The following TACC2 variants were observed in gnomAD, a reference collection of about 807,000 sequenced individuals.
TACC2 encodes the protein transforming acidic coiled-coil-containing protein 2.
A neutral mutation model predicts 227.3 loss-of-function variants in TACC2; 137 were observed. The observed-to-expected ratio is 0.60, with a 90% CI of 0.52 to 0.69. TACC2 has a LOEUF of 0.69. TACC2 is among the 30% of genes least tolerant of loss of function. TACC2 has a pLI of 0.00. For missense variants in TACC2, 3,470 were observed against 3,694.4 expected (o/e 0.94, Z 1.57); for synonymous variants, 1,523 against 1,487.5 (o/e 1.02, Z -0.55).
chr10:122,105,825 G>A (rs568265286), intron 5 of TACC2, among the ~76,000 whole-genome samples: 201 of 151,296 alleles, frequency 1.3e-3, no homozygotes, highest in African/African-American at 4.6e-3. Flanking sequence ...GTTTCACCAC[G>A]TTGGCCAGGT....
In TACC2 at chr10:122,210,205, C is replaced by G. The variant is rs1408468399; in HGVS notation, c.5972-192C>G. 3.4e-5 allele frequency: 21 copies of G among 617,334 alleles called. No individual in the cohort carries two copies. Among genetic ancestry groups the G allele is most frequent in the Non-Finnish European group, 5.6e-5 (19 of 337,492 alleles). The allele number at this position is 617,334 out of a possible 1,614,324, so 38.2% of individuals were successfully genotyped here. ...ACAGATGAGGGAACTCTGGGCGAAC[C>G]TGGCCTGGGTCTTGAGCTAATTACG... On this transcript the variant is annotated intron_variant, in intron 8 of 22. Coordinates refer to ENST00000369005, the MANE Select transcript of TACC2 (RefSeq NM_206862.4). This position sits in a 1 kb window ranked among gnomAD's most constrained non-coding sequence, Gnocchi z 4.6.
At chr10:122,147,269 T>C (rs2091489371) in intron 7 of TACC2, among the ~76,000 whole-genome samples, 2 of 151,980 alleles carry the variant, frequency 1.3e-5, no homozygotes, top group Admixed American at 1.3e-4. Context: ...CTCAACCTCC[T>C]GAGTAGCTGG....
chr10:122,243,580 A>G (rs973829765), intron 19 of TACC2, among the ~76,000 whole-genome samples: 1 of 152,174 alleles, frequency 6.6e-6, no homozygotes, highest in Admixed American at 6.5e-5. Flanking sequence ...TCTTTATTAA[A>G]TTGGTATAAG....
At chr10:122,176,053 C>G (rs907442589) in intron 7 of TACC2, among the ~76,000 whole-genome samples, 5 of 147,194 alleles carry the variant, frequency 3.4e-5, no homozygotes, top group Non-Finnish European at 7.4e-5. Flanking sequence ...GCACTCTAAC[C>G]TGAACAACAG....
intron 8 of TACC2, among the ~76,000 whole-genome samples, chr10:122,208,632 G>A (rs146356620): frequency 4.9e-4 from 75 of 152,208 alleles, no homozygotes; most frequent in Non-Finnish European, 9.1e-4. Flanking sequence ...AAGAATCATC[G>A]AGACATGGGA....
In TACC2 at chr10:122,221,528, C is replaced by T. The variant is rs7092508; in HGVS notation, c.7547-3198C>T. On this transcript the variant is annotated intron_variant, in intron 11 of 22. Coordinates refer to ENST00000369005, the MANE Select transcript of TACC2 (RefSeq NM_206862.4). The stretch of plus-strand genomic sequence containing the variant: ...AAAGTGCCCTCCTTGGAAGCCTCAG[C>T]TGTTCTTTAACGGCAGGCGCCGTCT... Among the ~76,000 whole-genome samples, 556 of 152,256 alleles carry T rather than the reference C, an allele frequency of 3.7e-3. 6 individuals are homozygous for T. Among genetic ancestry groups the T allele is most frequent in the African/African-American group, 0.013 (526 of 41,546 alleles).
intron 7 of TACC2, among the ~76,000 whole-genome samples, chr10:122,147,045 A>G (rs561980172): frequency 4.1e-4 from 62 of 152,288 alleles, no homozygotes; most frequent in Non-Finnish European, 6.5e-4. Flanking sequence ...CATTTTCATC[A>G]CATCCTATCA....
intron 16 of TACC2, among the ~76,000 whole-genome samples, chr10:122,236,153 TG>T (rs1335591582): frequency 1.3e-5 from 2 of 152,196 alleles, no homozygotes; most frequent in Non-Finnish European, 2.9e-5. Context: ...ACGCCTGTTC[TG>T]GTGGTGGAAG....
At chr10:122,032,355 C>T (rs929825253) in intron 2 of TACC2, among the ~76,000 whole-genome samples, 1 of 152,196 alleles carries the variant, frequency 6.6e-6, no homozygotes, top group African/African-American at 2.4e-5. Flanking sequence ...CTCCCCGTCG[C>T]ACCCAGGCCC....
intron 1 of TACC2, among the ~76,000 whole-genome samples, chr10:122,015,664 C>T (rs1249138755): frequency 6.6e-6 from 1 of 151,920 alleles, no homozygotes; most frequent in East Asian, 1.9e-4. Context: ...CCAGCCTGGC[C>T]AACATGGTGA....
In TACC2 at chr10:122,087,010, A is replaced by C. The variant is rs2080160454; in HGVS notation, c.4510A>C (p.Thr1504Pro). 1 of 1,613,902 alleles carries C rather than the reference A, an allele frequency of 6.2e-7. No homozygotes were observed. Among genetic ancestry groups the C allele is most frequent in the South Asian group, 1.1e-5 (1 of 91,084 alleles). The change falls in exon 4 of 23, where the codon ACC becomes CCC. Residue 1504 changes from threonine (T) to proline (P), a missense_variant. Around this residue, in one of 10 missense-constraint regions of TACC2, gnomAD observed 1,924 missense variants for 1,978.3 expected, o/e 0.97. Coordinates refer to ENST00000369005, the MANE Select transcript of TACC2 (RefSeq NM_206862.4). ...CAAGCTTCTGGGTCCAGCAGGGCTG[A>C]CCTGGGAGCGGAACTTGCCAGGTGC... is the stretch of plus-strand genomic sequence containing the variant. ...SDKLLGPAGL[T>P]WERNLPGAGV...
chr10:122,097,970 A>G (rs1168455472), intron 5 of TACC2, among the ~76,000 whole-genome samples: 2 of 152,112 alleles, frequency 1.3e-5, no homozygotes, highest in Non-Finnish European at 2.9e-5. Flanking sequence ...GGAAGAGCTG[A>G]GATGGGCTTT....
intron 7 of TACC2, among the ~76,000 whole-genome samples, chr10:122,157,025 T>C (rs971030860): frequency 1.3e-5 from 2 of 152,066 alleles, no homozygotes; most frequent in Admixed American, 1.3e-4. Flanking sequence ...GGCGGGAGGA[T>C]CACTTGAGCC....
At chr10:122,216,231 C>A (rs940577442) in intron 10 of TACC2, among the ~76,000 whole-genome samples, 21 of 152,244 alleles carry the variant, frequency 1.4e-4, no homozygotes, top group African/African-American at 4.1e-4. Context: ...TAAGATCCCC[C>A]TTTTTCTGCC....
intron 1 of TACC2, among the ~76,000 whole-genome samples, chr10:122,020,886 A>G (rs1433484187): frequency 2.6e-5 from 4 of 152,198 alleles, no homozygotes; most frequent in Admixed American, 6.6e-5. Context: ...GATGAGGTCA[A>G]TAAGTGTACT....
Position 122,026,316 on chromosome 10 carries a change from A to G in TACC2, c.33+4302A>G, listed in dbSNP as rs913156204. The stretch of plus-strand genomic sequence containing the variant: ...GCTACAGAGTGAGACTCTGTCTCAA[A>G]AAAAAAAAAAAAAAAAAAAAGTATA... On this transcript the variant is annotated intron_variant, in intron 2 of 22. Coordinates refer to ENST00000369005, the MANE Select transcript of TACC2 (RefSeq NM_206862.4). Among the ~76,000 whole-genome samples, 19 of 125,396 alleles carry G rather than the reference A, an allele frequency of 1.5e-4. 2 individuals are homozygous for G. Among genetic ancestry groups the G allele is most frequent in the Admixed American group, 1.5e-3 (16 of 10,912 alleles). The allele number at this position is 125,396 out of a possible 152,430, so 82.3% of individuals were successfully genotyped here.
chr10:122,133,113 T>C (rs1167972497), intron 6 of TACC2, among the ~76,000 whole-genome samples: 2 of 152,192 alleles, frequency 1.3e-5, no homozygotes, highest in Non-Finnish European at 2.9e-5. Flanking sequence ...AGCTGCCTTC[T>C]GATCTCCTGG....
At chr10:122,164,447 C>T (rs931007132) in intron 7 of TACC2, among the ~76,000 whole-genome samples, 123 of 152,324 alleles carry the variant, frequency 8.1e-4, no homozygotes, top group African/African-American at 2.6e-3. Flanking sequence ...GTGGACGTTC[C>T]GTCTAGTTAG....
intron 5 of TACC2, among the ~76,000 whole-genome samples, chr10:122,126,012 C>T (rs961502891): frequency 5.9e-5 from 9 of 151,798 alleles, no homozygotes; most frequent in South Asian, 2.1e-4. Flanking sequence ...CTCCTGACCT[C>T]GTGATCCACC....
Sources: gnomAD v4.1 joint callset for allele counts (sites outside exome capture counted in the v4.1 genomes callset) on GRCh38, gnomAD v4.1.1 for gene constraint, gnomAD v4.1.1 regional missense constraint, Gnocchi (gnomAD v3.1) non-coding constraint, MANE v1.5 for transcripts, NCBI Gene and HGNC (gene_info 2026-07-23, HGNC 2026-07-21) for gene names.